GPC5: variants seen among roughly 807,000 people sequenced by gnomAD.
GPC5 encodes the protein glypican 5, also known as glypican-5.
Under a neutral mutation model 53.9 loss-of-function variants are expected in GPC5, and 47 were observed. That is an observed-to-expected ratio of 0.87 (90% CI 0.69 to 1.11). The LOEUF (loss-of-function observed/expected upper bound fraction) is 1.11, where lower values mean the gene tolerates loss of function less well. Among genes scored for constraint, GPC5 ranks in the 50% most tolerant of loss-of-function variants. The pLI, the probability that GPC5 is intolerant of heterozygous loss-of-function variation, is 0.00. For missense variants in GPC5, 748 were observed against 713.1 expected, an observed-to-expected ratio of 1.05 and a Z score of -0.56; for synonymous variants, 286 against 263.3, an observed-to-expected ratio of 1.09 and a Z score of -0.84.
intron 6 of GPC5, among the ~76,000 whole-genome samples, chr13:92,056,215 C>A (rs978207208): frequency 1.8e-4 from 28 of 152,102 alleles, no homozygotes; most frequent in Non-Finnish European, 4.0e-4. Context: ...CTGCTAGCAA[C>A]TGCCTGCTTT....
At chr13:92,717,603 T>C (rs764234710) in intron 7 of GPC5, among the ~76,000 whole-genome samples, 39 of 152,208 alleles carry the variant, frequency 2.6e-4, no homozygotes, top group Non-Finnish European at 4.3e-4. Context: ...TGTATTTTCT[T>C]CAGAAGTCAT....
chr13:92,455,274 A>G (rs1477157834), intron 7 of GPC5, among the ~76,000 whole-genome samples: 2 of 152,330 alleles, frequency 1.3e-5, no homozygotes, highest in Admixed American at 1.3e-4. Flanking sequence ...TATAGTTATA[A>G]TATGTCAGCT....
intron 6 of GPC5, among the ~76,000 whole-genome samples, chr13:92,062,585 C>T (rs2041133761): frequency 6.6e-6 from 1 of 151,960 alleles, no homozygotes; most frequent in African/African-American, 2.4e-5. Context: ...TTGAATTTGA[C>T]ATGTGTATCT....
At chr13:92,609,577 A>C (rs1884368560) in intron 7 of GPC5, among the ~76,000 whole-genome samples, 1 of 152,188 alleles carries the variant, frequency 6.6e-6, no homozygotes, top group South Asian at 2.1e-4. Context: ...AACCAGTGCC[A>C]ATAATGAGTT....
chr13:92,467,184 A>G (rs541447550), intron 7 of GPC5, among the ~76,000 whole-genome samples: 1 of 152,232 alleles, frequency 6.6e-6, no homozygotes, highest in Admixed American at 6.6e-5. Context: ...CTGCTTAGAG[A>G]GCTAATAAGG....
At chr13:91,834,647 A>G (rs2038702601) in intron 5 of GPC5, among the ~76,000 whole-genome samples, 1 of 152,220 alleles carries the variant, frequency 6.6e-6, no homozygotes, top group Non-Finnish European at 1.5e-5. Context: ...CAATGGAAAA[A>G]GGATTCCCTA....
At chr13:92,454,102 T>C (rs1398043096) in intron 7 of GPC5, among the ~76,000 whole-genome samples, 1 of 152,162 alleles carries the variant, frequency 6.6e-6, no homozygotes, top group Non-Finnish European at 1.5e-5. Context: ...TATCTATGCT[T>C]AGTATAAACC....
At chr13:92,071,113 G>C (rs908012096) in intron 6 of GPC5, among the ~76,000 whole-genome samples, 5 of 152,122 alleles carry the variant, frequency 3.3e-5, no homozygotes, top group African/African-American at 1.2e-4. Flanking sequence ...GCATGCACCT[G>C]TAGTCCCAAC....
At chr13:91,666,129 A>G (rs1594401124) in intron 2 of GPC5, among the ~76,000 whole-genome samples, 2 of 152,200 alleles carry the variant, frequency 1.3e-5, no homozygotes, top group South Asian at 4.1e-4. Flanking sequence ...TCTTCTATAT[A>G]AGGGCCTTTA....
intron 6 of GPC5, among the ~76,000 whole-genome samples, chr13:91,986,058 A>G (rs974374812): frequency 7.9e-6 from 1 of 125,904 alleles, no homozygotes; most frequent in Non-Finnish European, 1.7e-5. Context: ...TTCTTAGCCA[A>G]TACTTTTTTT....
intron 4 of GPC5, 61 bp from the exon 5 acceptor site, chr13:91,756,234 T>A: frequency 1.5e-6 from 2 of 1,302,898 alleles, no homozygotes; most frequent in Non-Finnish European, 2.1e-6. Context: ...ATACATATCA[T>A]TTTTGATGGC....
At chr13:92,592,842 TTGAG>T in intron 7 of GPC5, among the ~76,000 whole-genome samples, 1 of 150,460 alleles carries the variant, frequency 6.6e-6, no homozygotes, top group Non-Finnish European at 1.5e-5. Flanking sequence ...AATACTAGAG[TTGAG>T]TGAGTGAGGT....
intron 7 of GPC5, among the ~76,000 whole-genome samples, chr13:92,559,585 G>T (rs1882627005): frequency 6.6e-6 from 1 of 151,472 alleles, no homozygotes; most frequent in Non-Finnish European, 1.5e-5. Flanking sequence ...ATATTCTTTT[G>T]CTTGAATCAT....
At chr13:91,646,276 A>T (rs904027131) in intron 2 of GPC5, among the ~76,000 whole-genome samples, 2 of 152,158 alleles carry the variant, frequency 1.3e-5, no homozygotes, top group African/African-American at 4.8e-5. Flanking sequence ...CATTTTAAGG[A>T]TTCCTGATTT....
chr13:91,558,573 C>G (rs2031085343), intron 2 of GPC5, among the ~76,000 whole-genome samples: 1 of 152,068 alleles, frequency 6.6e-6, no homozygotes, highest in Admixed American at 6.6e-5. Context: ...GTGCTTGCTC[C>G]TGTAGCACTT....
chr13:91,969,430 C>T (rs968956207), intron 6 of GPC5, among the ~76,000 whole-genome samples: 13 of 151,894 alleles, frequency 8.6e-5, no homozygotes, highest in African/African-American at 2.7e-4. Context: ...AGAAAAAAAT[C>T]ATAGGTAGGA....
At chr13:91,713,720 T>G (rs2036277368) in intron 3 of GPC5, among the ~76,000 whole-genome samples, 1 of 152,140 alleles carries the variant, frequency 6.6e-6, no homozygotes, top group Non-Finnish European at 1.5e-5. Context: ...TGGTCTTGTC[T>G]CCCGAACCTG....
intron 7 of GPC5, among the ~76,000 whole-genome samples, chr13:92,524,552 A>G (rs970464843): frequency 6.6e-6 from 1 of 152,110 alleles, no homozygotes; most frequent in Non-Finnish European, 1.5e-5. Flanking sequence ...ATTTCTATGT[A>G]TAATCAAAAG....
intron 5 of GPC5, among the ~76,000 whole-genome samples, chr13:91,832,817 A>G (rs1233610609): frequency 1.3e-5 from 2 of 152,136 alleles, no homozygotes; most frequent in Admixed American, 1.3e-4. Context: ...ACACCCTAAC[A>G]TCACAATTAA....
Sources: gnomAD v4.1 joint callset for allele counts (sites outside exome capture counted in the v4.1 genomes callset) on GRCh38, gnomAD v4.1.1 for gene constraint, MANE v1.5 for transcripts, NCBI Gene and HGNC (gene_info 2026-07-23, HGNC 2026-07-21) for gene names.